Variants in ZFHX3 observed in about 807,000 individuals in gnomAD.
ZFHX3 encodes the protein zinc finger homeobox protein 3.
Under a neutral mutation model 279.1 loss-of-function variants are expected in ZFHX3, and 42 were observed. The observed-to-expected ratio is 0.15, with a 90% CI of 0.12 to 0.19. ZFHX3 has a LOEUF of 0.19. Ranked by LOEUF, ZFHX3 falls within the 10% of genes least tolerant of loss-of-function variation. ZFHX3 has a pLI of 1.00. For missense variants in ZFHX3, 4,981 were observed against 4,754.0 expected, an observed-to-expected ratio of 1.05 and a Z score of -1.40; for synonymous variants, 2,293 against 1,957.8, an observed-to-expected ratio of 1.17 and a Z score of -4.52.
chr16:73,560,632 G>T (rs944206469), intron 2 of ZFHX3, among the ~76,000 whole-genome samples: 6 of 152,254 alleles, frequency 3.9e-5, no homozygotes, highest in African/African-American at 1.4e-4. Flanking sequence ...TGCGAAGGGA[G>T]TGGCCCAGAC....
At chr16:72,922,329 G>A (rs865791287) in intron 3 of ZFHX3, among the ~76,000 whole-genome samples, 5 of 152,024 alleles carry the variant, frequency 3.3e-5, no homozygotes, top group Non-Finnish European at 5.9e-5. Flanking sequence ...AACCATCCCC[G>A]CATTAGGACG....
chr16:73,200,468 A>C lies in ZFHX3; in HGVS notation c.-1104+56579T>G, dbSNP rs577651567. Among the ~76,000 whole-genome samples, 3 of 152,338 alleles carry C rather than the reference A, an allele frequency of 2.0e-5. No individual in the cohort carries two copies. In the East Asian group the frequency reaches 5.8e-4, roughly 29 times the overall value. ...ATGAAAAATGATATCTTTTCAACCA[A>C]AGATAGGATTGAATTCTCTTGATGC... On this transcript the variant is annotated intron_variant, in intron 5 of 17. Transcript: ENST00000641206.
chr16:73,799,461 T>C (rs1960083724), intron 1 of ZFHX3, among the ~76,000 whole-genome samples: 1 of 152,150 alleles, frequency 6.6e-6, no homozygotes, highest in Non-Finnish European at 1.5e-5. Context: ...TGGCCTTCCC[T>C]TGCAGGCAGC....
intron 1 of ZFHX3, among the ~76,000 whole-genome samples, chr16:73,872,386 C>T (rs1056577893): frequency 6.6e-6 from 1 of 151,930 alleles, no homozygotes; most frequent in Non-Finnish European, 1.5e-5. Flanking sequence ...CCACCATGCC[C>T]AGTTAACTTA....
At chr16:73,050,692 T>A (rs557286852), upstream of ZFHX3, among the ~76,000 whole-genome samples, 1 of 152,134 alleles carries the variant, frequency 6.6e-6, no homozygotes, top group African/African-American at 2.4e-5. Flanking sequence ...AGCTGCCTGA[T>A]GTTAAACCCA....
chr16:73,420,343 A>G (rs1373779242), intron 3 of ZFHX3: 3 of 152,228 alleles, frequency 2.0e-5, no homozygotes, highest in Non-Finnish European at 4.4e-5. Flanking sequence ...ATTAGATAGT[A>G]TCTAATGGTT....
intron 3 of ZFHX3, among the ~76,000 whole-genome samples, chr16:73,322,050 C>T (rs151236232): frequency 2.6e-4 from 40 of 152,332 alleles, no homozygotes; most frequent in African/African-American, 9.4e-4. Flanking sequence ...CAAAGCCCAG[C>T]CCTCACAGTT....
chr16:73,233,567 C>T (rs998704450), intron 5 of ZFHX3, among the ~76,000 whole-genome samples: 10 of 152,190 alleles, frequency 6.6e-5, no homozygotes, highest in African/African-American at 2.2e-4. Context: ...TTCTGGCAAA[C>T]GTGCCAGGCG....
chr16:73,451,761 T>G (rs917180121), intron 3 of ZFHX3, among the ~76,000 whole-genome samples: 2 of 152,216 alleles, frequency 1.3e-5, no homozygotes, highest in Non-Finnish European at 2.9e-5. Flanking sequence ...TAAAAGAATT[T>G]TTTTAAAAAA....
intron 3 of ZFHX3, among the ~76,000 whole-genome samples, chr16:72,914,884 G>A (rs1407673768): frequency 6.6e-6 from 1 of 151,984 alleles, no homozygotes; most frequent in Non-Finnish European, 1.5e-5. Context: ...CCAGCTACTC[G>A]GGTGGCTGAG....
intron 4 of ZFHX3, among the ~76,000 whole-genome samples, chr16:72,848,829 G>T (rs559462118): frequency 6.6e-6 from 1 of 151,750 alleles, no homozygotes; most frequent in African/African-American, 2.4e-5. Context: ...CCTTTCCCTC[G>T]TTTCTGCTTA....
intron 1 of ZFHX3, among the ~76,000 whole-genome samples, chr16:73,847,764 G>A (rs537636492): frequency 6.6e-6 from 1 of 152,144 alleles, no homozygotes; most frequent in East Asian, 1.9e-4. Context: ...ATGAGATGGA[G>A]TCTCCCTCTA....
intron 2 of ZFHX3, among the ~76,000 whole-genome samples, chr16:73,577,206 A>G (rs906587421): frequency 6.6e-5 from 10 of 152,228 alleles, no homozygotes; most frequent in African/African-American, 2.2e-4. Flanking sequence ...TAAAAAAATA[A>G]TACTTTATAT....
intron 3 of ZFHX3, among the ~76,000 whole-genome samples, chr16:73,391,449 C>T (rs2017011338): frequency 1.1e-5 from 1 of 88,190 alleles, no homozygotes; most frequent in African/African-American, 4.0e-5. Flanking sequence ...AAAACTCTGT[C>T]TCAAAAAAAA....
At chr16:73,292,431 C>CT (rs1344803330) in intron 4 of ZFHX3, among the ~76,000 whole-genome samples, 5 of 152,176 alleles carry the variant, frequency 3.3e-5, no homozygotes, top group Non-Finnish European at 7.3e-5. Flanking sequence ...CAGCCCAAAT[C>CT]TAGAACCCCT....
chr16:73,000,242 G>A (rs1454679715), intron 1 of ZFHX3, among the ~76,000 whole-genome samples: 1 of 152,220 alleles, frequency 6.6e-6, no homozygotes, highest in Admixed American at 6.5e-5. Flanking sequence ...ACTGGAGAGA[G>A]GAGGGAGGGA....
intron 1 of ZFHX3, among the ~76,000 whole-genome samples, chr16:73,058,005 G>C (rs1965599323): frequency 6.8e-6 from 1 of 146,264 alleles, no homozygotes; most frequent in Non-Finnish European, 1.5e-5. Flanking sequence ...GCGGGGGCGG[G>C]GGCACTCGGC....
chr16:73,067,531 C>T (rs1965770650), intron 8 of ZFHX3, among the ~76,000 whole-genome samples: 1 of 152,204 alleles, frequency 6.6e-6, no homozygotes, highest in Non-Finnish European at 1.5e-5. Flanking sequence ...CATTATTTTG[C>T]CTGTGGCTGG....
intron 3 of ZFHX3, among the ~76,000 whole-genome samples, chr16:72,898,390 G>A (rs1207820285): frequency 3.3e-5 from 5 of 152,180 alleles, no homozygotes; most frequent in African/African-American, 7.2e-5. Flanking sequence ...CTCACTCTCC[G>A]TATCCAAGGC....
Sources: gnomAD v4.1 joint callset for allele counts (sites outside exome capture counted in the v4.1 genomes callset) on GRCh38, gnomAD v4.1.1 for gene constraint, MANE v1.5 for transcripts, NCBI Gene and HGNC (gene_info 2026-07-23, HGNC 2026-07-21) for gene names.